Variants in MGLL observed in about 807,000 individuals in gnomAD.
MGLL encodes lysophospholipase homolog.
In MGLL, 7 loss-of-function variants were observed where a neutral mutation model predicts 29.1. The ratio of observed to expected loss-of-function variants is 0.24; its 90% CI spans 0.14 to 0.45. The LOEUF is 0.45. Ranked by LOEUF, MGLL falls within the 20% of genes least tolerant of loss-of-function variation. The probability of loss-of-function intolerance (pLI) is 0.99; values close to 1 mark genes in which losing one functional copy is unlikely to be tolerated. For synonymous variants in MGLL, 148 were observed against 168.3 expected (o/e 0.88, Z 0.93); for missense variants, 356 against 413.6 (o/e 0.86, Z 1.21).
chr3:127,731,856 T>C (rs2076158555), intron 3 of MGLL, among the ~76,000 whole-genome samples: 1 of 152,238 alleles, frequency 6.6e-6, no homozygotes, highest in South Asian at 2.1e-4. Context: ...AATGTTCATG[T>C]CTGTGTGTCT....
At chr3:127,737,499 G>A (rs560241024) in intron 3 of MGLL, among the ~76,000 whole-genome samples, 194 of 151,342 alleles carry the variant, frequency 1.3e-3, no homozygotes, top group Non-Finnish European at 2.3e-3. Context: ...CATGATAAGG[G>A]TCATTATGAA....
intron 2 of MGLL, among the ~76,000 whole-genome samples, chr3:127,817,528 C>A (rs761615164): frequency 2.0e-5 from 3 of 152,206 alleles, no homozygotes; most frequent in Non-Finnish European, 4.4e-5. Context: ...TCAGCACCTC[C>A]TTCATGCCGG....
rs1189726451 is a variant in MGLL, at chr3:127,692,173, A to G, written c.*25T>C. 2.5e-6 allele frequency: 4 copies of G among 1,584,402 alleles called. No individual in the cohort carries two copies. Among genetic ancestry groups the G allele is most frequent in the Middle Eastern group, 1.8e-4 (1 of 5,620 alleles). Reference sequence around the variant, plus strand: ...TTCCCCTGCCTGCATCCCCCAGACCATGAGCCGGGCACCGGCCAATGCATT... The same window carrying G: ...TTCCCCTGCCTGCATCCCCCAGACCGTGAGCCGGGCACCGGCCAATGCATT... On this transcript the variant is annotated 3_prime_UTR_variant, in exon 8 of 8. Transcript: ENST00000265052.
chr3:127,702,016 G>A (rs1056543713), intron 6 of MGLL, among the ~76,000 whole-genome samples: 1 of 152,160 alleles, frequency 6.6e-6, no homozygotes, highest in African/African-American at 2.4e-5. Flanking sequence ...GCTCTCACCT[G>A]CTAGGGTCCA....
rs1157306742 is a variant in MGLL at position 127,822,353 on chromosome 3, G to T, written c.-35C>A. ...GCGTTTGCATTCCACAACCACGACA[G>T]CCTGGAGAATCAGAACCAGGCAAAT... On this transcript the variant is annotated 5_prime_UTR_variant, in exon 1 of 8. It adds an upstream start codon to the 5' untranslated region. Transcript: ENST00000265052. The T allele has an allele frequency of 1.9e-6, 3 of 1,613,224 alleles. No individual in the cohort carries two copies. Among genetic ancestry groups the T allele is most frequent in the Non-Finnish European group, 2.5e-6 (3 of 1,179,194 alleles).
intron 5 of MGLL, chr3:127,713,772 T>A (rs2075764323): frequency 6.6e-6 from 1 of 152,252 alleles, no homozygotes; most frequent in East Asian, 1.9e-4. Flanking sequence ...TCCTTGAACA[T>A]ATGTTTCTGC....
intron 3 of MGLL, among the ~76,000 whole-genome samples, chr3:127,739,535 A>T (rs114870874): frequency 6.6e-6 from 1 of 152,178 alleles, no homozygotes; most frequent in African/African-American, 2.4e-5. Flanking sequence ...TGGATAGAAA[A>T]AGCTTAAATT....
At chr3:127,755,499 G>T (rs1479614098) in intron 3 of MGLL, among the ~76,000 whole-genome samples, 1 of 152,154 alleles carries the variant, frequency 6.6e-6, no homozygotes, top group Non-Finnish European at 1.5e-5. Context: ...CAAGGAGAAG[G>T]TTGCTTATGA....
intron 3 of MGLL, among the ~76,000 whole-genome samples, chr3:127,752,887 T>A (rs2076585899): frequency 6.6e-6 from 1 of 152,166 alleles, no homozygotes; most frequent in African/African-American, 2.4e-5. Context: ...TGCTTTAATC[T>A]AAAGTGAATG....
intron 3 of MGLL, among the ~76,000 whole-genome samples, chr3:127,774,146 TTC>T (rs940598151): frequency 2.6e-5 from 4 of 152,218 alleles, no homozygotes; most frequent in African/African-American, 7.2e-5. Flanking sequence ...TCACCTGCTG[TTC>T]TGTCTAAGCT....
intron 2 of MGLL, among the ~76,000 whole-genome samples, chr3:127,820,741 A>T (rs2077844459): frequency 6.6e-6 from 1 of 152,234 alleles, no homozygotes. Flanking sequence ...TCAGCACGTT[A>T]CCCACTTGAA....
At chr3:127,753,720 G>T (rs1426897382) in intron 3 of MGLL, among the ~76,000 whole-genome samples, 1 of 152,174 alleles carries the variant, frequency 6.6e-6, no homozygotes, top group East Asian at 1.9e-4. Flanking sequence ...GTCTACAGGG[G>T]GCAAGAAGAG....
intron 2 of MGLL, among the ~76,000 whole-genome samples, chr3:127,784,712 T>C (rs903447076): frequency 6.6e-6 from 1 of 152,166 alleles, no homozygotes; most frequent in Admixed American, 6.5e-5. Context: ...TCAGCTTCTA[T>C]TGTGGTAAGT....
At chr3:127,714,513 G>A (rs2075778531) in intron 5 of MGLL, among the ~76,000 whole-genome samples, 1 of 152,226 alleles carries the variant, frequency 6.6e-6, no homozygotes. Flanking sequence ...TGTGCATGAG[G>A]CACTGGTGTC....
intron 6 of MGLL, among the ~76,000 whole-genome samples, chr3:127,699,716 G>GC (rs1410567695): frequency 2.6e-5 from 4 of 152,220 alleles, no homozygotes; most frequent in Non-Finnish European, 5.9e-5. Flanking sequence ...GGCATAGACA[G>GC]CCAGGAGCTA....
chr3:127,769,169 T>C (rs2107691740), intron 3 of MGLL, among the ~76,000 whole-genome samples: 1 of 152,238 alleles, frequency 6.6e-6, no homozygotes, highest in South Asian at 2.1e-4. Context: ...TTGGCCAACA[T>C]GGTGAAACCC....
chr3:127,809,763 C>T (rs1005578129), intron 2 of MGLL, among the ~76,000 whole-genome samples: 1 of 152,144 alleles, frequency 6.6e-6, no homozygotes, highest in African/African-American at 2.4e-5. Context: ...TCCTGGCATG[C>T]TCCCATGATG....
chr3:127,756,894 G>A (rs2076675412), intron 3 of MGLL, among the ~76,000 whole-genome samples: 1 of 152,162 alleles, frequency 6.6e-6, no homozygotes, highest in Non-Finnish European at 1.5e-5. Context: ...TCAGTAGCAG[G>A]AGGGGCCCTC....
At chr3:127,715,144 T>C (rs1366787504) in intron 5 of MGLL, among the ~76,000 whole-genome samples, 1 of 152,074 alleles carries the variant, frequency 6.6e-6, no homozygotes, top group Non-Finnish European at 1.5e-5. Context: ...CCCTGAGAGA[T>C]TCTGATTGTA....
Sources: allele counts gnomAD v4.1 joint callset (sites outside exome capture counted in the v4.1 genomes callset), GRCh38; gene constraint gnomAD v4.1.1; transcripts MANE v1.5; gene names NCBI Gene and HGNC (gene_info 2026-07-23, HGNC 2026-07-21).